Variants in DAB1 observed in about 807,000 individuals in gnomAD.
DAB1 encodes the protein DAB adaptor protein 1.
Under a neutral mutation model 64.6 loss-of-function variants are expected in DAB1, and 15 were observed. The observed-to-expected ratio is 0.23, with a 90% confidence interval of 0.16 to 0.36. The LOEUF is 0.36. DAB1 is among the 10% of genes least tolerant of loss of function. DAB1 has a pLI of 1.00. For synonymous variants in DAB1, 235 were observed against 251.9 expected, an observed-to-expected ratio of 0.93 and a Z score of 0.64; for missense variants, 596 against 706.7, an observed-to-expected ratio of 0.84 and a Z score of 1.78.
At chr1:57,135,799 T>C (rs1433545757) in intron 4 of DAB1, among the ~76,000 whole-genome samples, 1 of 152,170 alleles carries the variant, frequency 6.6e-6, no homozygotes, top group African/African-American at 2.4e-5. Context: ...GTGAAGTACA[T>C]GATAGGTGAT....
intron 7 of DAB1, among the ~76,000 whole-genome samples, chr1:57,475,227 A>T (rs990871712): frequency 6.6e-6 from 1 of 152,140 alleles, no homozygotes; most frequent in Non-Finnish European, 1.5e-5. Flanking sequence ...CAGTGAGCTG[A>T]TATCATGCCA....
At chr1:57,415,019 T>C (rs1292571823) in intron 1 of DAB1, among the ~76,000 whole-genome samples, 1 of 152,094 alleles carries the variant, frequency 6.6e-6, no homozygotes, top group Non-Finnish European at 1.5e-5. Flanking sequence ...ATAAAATGTA[T>C]ACGGAAGAAA....
chr1:58,491,938 C>T (rs1223879381), intron 3 of DAB1, among the ~76,000 whole-genome samples: 1 of 151,752 alleles, frequency 6.6e-6, no homozygotes, highest in Non-Finnish European at 1.5e-5. Context: ...ACAGAACTCT[C>T]CACCCCAAAT....
At chr1:58,539,215 T>C (rs768491533) in intron 1 of DAB1, 1 of 872,730 alleles carries the variant, frequency 1.1e-6, no homozygotes, top group African/African-American at 1.6e-5. Flanking sequence ...TGTGTTACAT[T>C]TTCTCCAGTT....
intron 7 of DAB1, among the ~76,000 whole-genome samples, chr1:57,606,959 G>T (rs998310075): frequency 6.6e-6 from 1 of 151,282 alleles, no homozygotes; most frequent in East Asian, 2.0e-4. Context: ...TGATATTTTG[G>T]TATTTTTAAT....
At position 58,117,375 on chromosome 1, in the gene DAB1, C is replaced by A. The variant is rs964794821; in HGVS notation, n.387+33136G>T. Among the ~76,000 whole-genome samples, 3 of 152,160 alleles carry A rather than the reference C, an allele frequency of 2.0e-5. No homozygotes were observed. In the East Asian group the frequency reaches 5.8e-4, roughly 29 times the overall value. The stretch of plus-strand genomic sequence containing the variant: ...TTCCATGTTGCAGATGATAAACAGT[C>A]TCAAAAAGCTTAAGTGATATGATAT... On this transcript the variant is annotated intron_variant and non_coding_transcript_variant, in intron 5 of 20. Coordinates refer to the DAB1 transcript ENST00000485760.
At chr1:57,372,958 T>C (rs1680615913) in intron 1 of DAB1, among the ~76,000 whole-genome samples, 1 of 151,854 alleles carries the variant, frequency 6.6e-6, no homozygotes, top group Admixed American at 6.6e-5. Context: ...GAGAGGATCA[T>C]TTGAGTCCAG....
At chr1:58,399,342 G>A (rs952846462) in intron 3 of DAB1, among the ~76,000 whole-genome samples, 11 of 152,216 alleles carry the variant, frequency 7.2e-5, no homozygotes, top group African/African-American at 2.7e-4. Flanking sequence ...ACTGAGATGT[G>A]ATGACTTGCT....
At chr1:57,087,851 G>C (rs1653246002) in intron 4 of DAB1, among the ~76,000 whole-genome samples, 1 of 152,148 alleles carries the variant, frequency 6.6e-6, no homozygotes, top group Non-Finnish European at 1.5e-5. Context: ...ACCTGTCCGG[G>C]CTTCCACTGA....
chr1:58,531,732 C>CAA (rs1646437139), intron 1 of DAB1, among the ~76,000 whole-genome samples: 1 of 150,494 alleles, frequency 6.6e-6, no homozygotes, highest in African/African-American at 2.4e-5. Context: ...TTTTTTGAGA[C>CAA]AGAGTCTTGC....
intron 7 of DAB1, among the ~76,000 whole-genome samples, chr1:57,461,767 G>A (rs959917846): frequency 2.0e-5 from 3 of 151,914 alleles, no homozygotes; most frequent in Admixed American, 6.6e-5. Context: ...CTCTTCTGTC[G>A]TAATTATCTG....
At chr1:58,175,270 A>G (rs1656404517) in intron 4 of DAB1, among the ~76,000 whole-genome samples, 1 of 152,194 alleles carries the variant, frequency 6.6e-6, no homozygotes, top group Non-Finnish European at 1.5e-5. Flanking sequence ...TGCAACACTC[A>G]CTGCGAAGGT....
exon 7 of DAB1, chr1:57,649,642 C>T (rs1303712409): frequency 1.3e-5 from 2 of 152,168 alleles, no homozygotes; most frequent in East Asian, 3.8e-4. Context: ...AGAGTCAGGG[C>T]TCACCACCAT....
intron 14 of DAB1, among the ~76,000 whole-genome samples, chr1:57,003,492 GC>G (rs1392455054): frequency 2.0e-5 from 3 of 149,628 alleles, no homozygotes; most frequent in Non-Finnish European, 4.5e-5. Flanking sequence ...GGGACATACT[GC>G]TTTTTTTTTT....
chr1:57,040,999 T>G (rs1647705449), intron 9 of DAB1, among the ~76,000 whole-genome samples: 1 of 152,066 alleles, frequency 6.6e-6, no homozygotes, highest in Non-Finnish European at 1.5e-5. Flanking sequence ...GGCATCCAAA[T>G]GGTAACAAGA....
intron 3 of DAB1, among the ~76,000 whole-genome samples, chr1:58,372,450 T>C (rs796068943): frequency 4.4e-4 from 67 of 152,244 alleles, no homozygotes; most frequent in African/African-American, 1.5e-3. Context: ...GGCTCAGAGG[T>C]GGAAGGGACT....
At chr1:58,063,496 C>T (rs1648642674) in intron 5 of DAB1, among the ~76,000 whole-genome samples, 1 of 152,106 alleles carries the variant, frequency 6.6e-6, no homozygotes, top group Non-Finnish European at 1.5e-5. Context: ...ACAGACTCAG[C>T]CTATGGTAGA....
chr1:58,384,567 G>GGAGTA (rs1644417994), intron 3 of DAB1, among the ~76,000 whole-genome samples: 1 of 152,110 alleles, frequency 6.6e-6, no homozygotes, highest in South Asian at 2.1e-4. Context: ...ATGAAGGGGA[G>GGAGTA]TTTATTAAGG....
At chr1:57,314,798 G>A (rs747515037) in intron 1 of DAB1, among the ~76,000 whole-genome samples, 1 of 151,312 alleles carries the variant, frequency 6.6e-6, no homozygotes, top group African/African-American at 2.4e-5. Flanking sequence ...AGAAAGGGAT[G>A]AACAGATGGA....
Sources: allele counts gnomAD v4.1 joint callset (sites outside exome capture counted in the v4.1 genomes callset), GRCh38; gene constraint gnomAD v4.1.1; transcripts MANE v1.5; gene names NCBI Gene and HGNC (gene_info 2026-07-23, HGNC 2026-07-21).